Variants in UCHL3 observed in about 807,000 individuals in gnomAD.
The protein encoded by UCHL3 is ubiquitin carboxyl-terminal hydrolase isozyme L3.
A neutral mutation model predicts 35.8 loss-of-function variants in UCHL3; 22 were observed. The observed-to-expected ratio is 0.61, with a 90% CI of 0.44 to 0.88. The LOEUF (loss-of-function observed/expected upper bound fraction) is 0.88. Among genes scored for constraint, UCHL3 ranks in the 40% least tolerant of loss-of-function variants. The pLI, the probability that UCHL3 is intolerant of heterozygous loss-of-function variation, is 0.00. For synonymous variants in UCHL3, 90 were observed against 92.8 expected (o/e 0.97, Z 0.17); for missense variants, 229 against 276.9 (o/e 0.83, Z 1.23).
At chr13:75,589,166 C>T (rs879906644) in intron 6 of UCHL3, among the ~76,000 whole-genome samples, 5 of 152,106 alleles carry the variant, frequency 3.3e-5, no homozygotes, top group Admixed American at 6.6e-5. Flanking sequence ...GTCTGAATCC[C>T]GGTTCTGTTA....
chr13:75,573,597 G>A (rs2031930730), intron 6 of UCHL3, among the ~76,000 whole-genome samples: 1 of 152,130 alleles, frequency 6.6e-6, no homozygotes, highest in African/African-American at 2.4e-5. Flanking sequence ...CCTGTCCTGT[G>A]TATTCATATG....
At chr13:75,587,830 T>C (rs1275964555) in intron 6 of UCHL3, among the ~76,000 whole-genome samples, 3 of 152,170 alleles carry the variant, frequency 2.0e-5, no homozygotes, top group Non-Finnish European at 4.4e-5. Flanking sequence ...GATGAGGTAA[T>C]GTCTTTGCCT....
At chr13:75,564,884 C>T (rs193088647) in intron 3 of UCHL3, among the ~76,000 whole-genome samples, 79 of 152,086 alleles carry the variant, frequency 5.2e-4, no homozygotes, top group African/African-American at 1.7e-3. Flanking sequence ...TCAGTAGAGA[C>T]GGGGTTTCAC....
intron 6 of UCHL3, chr13:75,589,922 T>C (rs962148626): frequency 7.7e-7 from 1 of 1,292,140 alleles, no homozygotes; most frequent in Admixed American, 2.4e-5. Flanking sequence ...AAATATTCTC[T>C]TTTTTAATTA....
chr13:75,604,709 T>C, intron 7 of UCHL3, 60 bp from the exon 8 acceptor site: 2 of 1,436,964 alleles, frequency 1.4e-6, no homozygotes, highest in Non-Finnish European at 1.9e-6. Context: ...AAATGGAAGT[T>C]GAAAGCACAT....
chr13:75,590,036 C>T (rs1800746956), intron 6 of UCHL3: 3 of 1,304,688 alleles, frequency 2.3e-6, no homozygotes, highest in African/African-American at 1.5e-5. Context: ...TCAAACGTAA[C>T]CATGTAGGCC....
intron 3 of UCHL3, among the ~76,000 whole-genome samples, chr13:75,561,176 T>C (rs2031482630): frequency 6.6e-6 from 1 of 152,128 alleles, no homozygotes; most frequent in Non-Finnish European, 1.5e-5. Flanking sequence ...CAAGTGATCC[T>C]CCCGCATCGG....
chr13:75,577,860 A>G (rs2032069341), intron 6 of UCHL3, among the ~76,000 whole-genome samples: 1 of 152,048 alleles, frequency 6.6e-6, no homozygotes, highest in Non-Finnish European at 1.5e-5. Flanking sequence ...AATTCCTAAA[A>G]TTTGTGATTT....
In UCHL3 at chr13:75,574,510, G is replaced by A. The variant is rs993474914; in HGVS notation, c.474+5003G>A. Among the ~76,000 whole-genome samples, 5 of 152,114 alleles carry A rather than the reference G, an allele frequency of 3.3e-5. No homozygotes were observed. The East Asian group carries it at 9.6e-4, about 29-fold the overall frequency. ...TTTGAAGGTAAGAGCACAGGATATA[G>A]GTTTGTATACTGACTCCACTGCTTA... is the stretch of plus-strand genomic sequence containing the variant. On this transcript the variant is annotated intron_variant, in intron 6 of 8. Coordinates refer to ENST00000377595, the MANE Select transcript of UCHL3 (RefSeq NM_006002.5).
intron 6 of UCHL3, among the ~76,000 whole-genome samples, chr13:75,584,871 G>A (rs1473121009): frequency 2.6e-5 from 4 of 152,074 alleles, no homozygotes; most frequent in Admixed American, 2.6e-4. Flanking sequence ...GAAAAGAATC[G>A]GTGAATGTGA....
chr13:75,573,676 G>A (rs112595696), intron 6 of UCHL3, among the ~76,000 whole-genome samples: 1,925 of 152,230 alleles, frequency 0.013, 15 homozygotes, highest in Non-Finnish European at 0.021. Context: ...TTCTTATAAG[G>A]ATACCAGTCC....
At chr13:75,589,737 A>G (rs927972772) in intron 6 of UCHL3, among the ~76,000 whole-genome samples, 2 of 152,200 alleles carry the variant, frequency 1.3e-5, no homozygotes, top group Non-Finnish European at 2.9e-5. Context: ...GAACTATGGC[A>G]TATAACCTGA....
intron 6 of UCHL3, among the ~76,000 whole-genome samples, chr13:75,575,076 G>A (rs1047993273): frequency 8.5e-5 from 13 of 152,188 alleles, no homozygotes; most frequent in African/African-American, 2.7e-4. Flanking sequence ...CTCTCTATCA[G>A]AACGTTTTCA....
At chr13:75,552,214 A>C (rs1167631089) in intron 2 of UCHL3, among the ~76,000 whole-genome samples, 1 of 152,322 alleles carries the variant, frequency 6.6e-6, no homozygotes, top group East Asian at 1.9e-4. Context: ...TATAACTAAA[A>C]ATTTTGTGGT....
intron 6 of UCHL3, chr13:75,590,193 T>TC (rs397768992): frequency 9.8e-6 from 12 of 1,220,560 alleles, no homozygotes; most frequent in African/African-American, 9.6e-5. Flanking sequence ...TTTTTTTTTT[T>TC]CTTAACTTCG....
rs547344479 is a variant in UCHL3 at position 75,604,478 on chromosome 13, A to T, written c.551-291A>T. 4.1e-5 allele frequency: 11 copies of T among 266,852 alleles called. No individual in the cohort carries two copies. In the South Asian group the frequency reaches 1.4e-3, roughly 34 times the overall value. The allele number at this position is 266,852 out of a possible 1,614,324, so 16.5% of individuals were successfully genotyped here. ...GATAAAAGCTGGGGTGATAATTTTTAAAAAACTGACAATAATTTTGCGTAT... is the reference window on the plus strand; with the variant it reads ...GATAAAAGCTGGGGTGATAATTTTTTAAAAACTGACAATAATTTTGCGTAT... On this transcript the variant is annotated intron_variant, in intron 7 of 8. Transcript: ENST00000377595.
chr13:75,592,679 G>A (rs1163588849), intron 6 of UCHL3, among the ~76,000 whole-genome samples: 2 of 151,216 alleles, frequency 1.3e-5, no homozygotes, highest in African/African-American at 2.4e-5. Flanking sequence ...CTTATCACAG[G>A]TTCTGAGGTT....
At chr13:75,599,607 T>C (rs565423190) in intron 7 of UCHL3, among the ~76,000 whole-genome samples, 1 of 152,296 alleles carries the variant, frequency 6.6e-6, no homozygotes, top group African/African-American at 2.4e-5. Flanking sequence ...TTGATATTAC[T>C]ACCGTAATTG....
chr13:75,573,494 A>C (rs1393251358), intron 6 of UCHL3, among the ~76,000 whole-genome samples: 1 of 152,188 alleles, frequency 6.6e-6, no homozygotes, highest in Admixed American at 6.5e-5. Context: ...TGGGGCTGGA[A>C]ATCCAACAGC....
Sources: gnomAD v4.1 joint callset for allele counts (sites outside exome capture counted in the v4.1 genomes callset) on GRCh38, gnomAD v4.1.1 for gene constraint, MANE v1.5 for transcripts, NCBI Gene and HGNC (gene_info 2026-07-23, HGNC 2026-07-21) for gene names.